Variants in PEX5L observed in about 807,000 individuals in gnomAD.
PEX5L encodes the protein PEX5-related protein.
A neutral mutation model predicts 84.0 loss-of-function variants in PEX5L; 30 were observed. The observed-to-expected ratio is 0.36, with a 90% CI of 0.27 to 0.48. The LOEUF (loss-of-function observed/expected upper bound fraction) is 0.48, where lower values mean the gene tolerates loss of function less well. Ranked by LOEUF, PEX5L falls within the 20% of genes least tolerant of loss-of-function variation. The probability of loss-of-function intolerance (pLI) is 0.99; values close to 1 mark genes in which losing one functional copy is unlikely to be tolerated. For synonymous variants in PEX5L, 270 were observed against 283.1 expected, an observed-to-expected ratio of 0.95 and a Z score of 0.46; for missense variants, 533 against 754.6, an observed-to-expected ratio of 0.71 and a Z score of 3.44.
chr3:179,982,500 T>C (rs1282239331), intron 1 of PEX5L, among the ~76,000 whole-genome samples: 1 of 152,144 alleles, frequency 6.6e-6, no homozygotes, highest in Non-Finnish European at 1.5e-5. Flanking sequence ...TTAGGGAAAT[T>C]GCCAGAAAAT....
At chr3:179,983,836 C>A (rs1020476116) in intron 1 of PEX5L, among the ~76,000 whole-genome samples, 6 of 151,988 alleles carry the variant, frequency 3.9e-5, no homozygotes, top group Non-Finnish European at 8.8e-5. Flanking sequence ...TAGTTAAAGA[C>A]GTTTCTGATG....
intron 1 of PEX5L, among the ~76,000 whole-genome samples, chr3:179,974,434 TC>T (rs1785490483): frequency 6.6e-6 from 1 of 152,094 alleles, no homozygotes; most frequent in African/African-American, 2.4e-5. Flanking sequence ...TGTGCACTGT[TC>T]CCCTAGGTGC....
At chr3:179,915,998 G>C (rs1766926405) in intron 2 of PEX5L, among the ~76,000 whole-genome samples, 1 of 152,184 alleles carries the variant, frequency 6.6e-6, no homozygotes, top group Admixed American at 6.5e-5. Context: ...AGAGATACTT[G>C]AAGCTCAGAG....
At chr3:179,891,225 A>C (rs1757523881) in intron 3 of PEX5L, among the ~76,000 whole-genome samples, 1 of 152,166 alleles carries the variant, frequency 6.6e-6, no homozygotes, top group Non-Finnish European at 1.5e-5. Flanking sequence ...GACTGATGGA[A>C]CTGTTATAAC....
chr3:180,012,562 T>C (rs1579342029), intron 1 of PEX5L, among the ~76,000 whole-genome samples: 1 of 152,226 alleles, frequency 6.6e-6, no homozygotes. Flanking sequence ...CAAGGAGAAT[T>C]GATGTAAAAA....
At position 179,953,271 on chromosome 3, in the gene PEX5L, G is replaced by A. The variant is rs540908701; in HGVS notation, c.93+18323C>T. The stretch of plus-strand genomic sequence containing the variant: ...ACAAATGGGATCTAATTAAACTAAA[G>A]AGCTTCTGCACATCAAAAGAAACTA... On this transcript the variant is annotated intron_variant, in intron 2 of 14. Coordinates refer to ENST00000467460, the MANE Select transcript of PEX5L (RefSeq NM_016559.3). Among the ~76,000 whole-genome samples, 252 of 152,268 alleles carry A rather than the reference G, an allele frequency of 1.7e-3. 1 individual carries two copies. The highest frequency in any genetic ancestry group is 3.4e-3 in the Middle Eastern group (1 of 294).
In PEX5L at chr3:180,036,752, C is replaced by T. The variant is rs1791944004; in HGVS notation, c.-153G>A. 2 of 760,690 alleles carry T rather than the reference C, an allele frequency of 2.6e-6. No homozygotes were observed. The highest frequency in any genetic ancestry group is 4.7e-6 in the Non-Finnish European group (2 of 429,286). 47.1% of individuals were successfully genotyped at this position (760,690 alleles called of 1,614,324 possible). A position where few individuals can be genotyped will look rare whatever the true frequency, so the allele number is the denominator to read the frequency against. ...GAGCTCCGGGTACTCGGCCGGCCGG[C>T]GGCCACTCGGCAGCGCTGCGGGCTG... On this transcript the variant is annotated 5_prime_UTR_variant, in exon 1 of 15. Transcript: ENST00000467460.
At chr3:179,871,465 T>C (rs1442796861) in intron 7 of PEX5L, among the ~76,000 whole-genome samples, 1 of 152,194 alleles carries the variant, frequency 6.6e-6, no homozygotes, top group African/African-American at 2.4e-5. Context: ...TCTATATAAA[T>C]TGTTCATAGA....
At chr3:179,999,745 C>T (rs1788218802) in intron 1 of PEX5L, among the ~76,000 whole-genome samples, 1 of 152,206 alleles carries the variant, frequency 6.6e-6, no homozygotes, top group African/African-American at 2.4e-5. Context: ...CACAGCATTG[C>T]CTCTGACCAA....
At chr3:179,840,808 T>C (rs1387537231) in intron 8 of PEX5L, among the ~76,000 whole-genome samples, 4 of 152,118 alleles carry the variant, frequency 2.6e-5, no homozygotes, top group Admixed American at 6.5e-5. Context: ...GTGCTATTAT[T>C]GAACTGGGGT....
At chr3:180,033,274 G>A (rs1791616037) in intron 1 of PEX5L, among the ~76,000 whole-genome samples, 1 of 152,072 alleles carries the variant, frequency 6.6e-6, no homozygotes, top group African/African-American at 2.4e-5. Flanking sequence ...GAAGCTAGAG[G>A]GTGTGGAATG....
At chr3:179,889,271 T>A (rs1485299476) in intron 3 of PEX5L, among the ~76,000 whole-genome samples, 1 of 152,142 alleles carries the variant, frequency 6.6e-6, no homozygotes, top group Non-Finnish European at 1.5e-5. Context: ...GGGACCTGAG[T>A]AATGGTAACT....
At chr3:179,868,224 G>A (rs1749069893) in intron 7 of PEX5L, among the ~76,000 whole-genome samples, 1 of 151,540 alleles carries the variant, frequency 6.6e-6, no homozygotes, top group Non-Finnish European at 1.5e-5. Flanking sequence ...TTGAGTCCTG[G>A]ATCCTTTCCT....
chr3:179,902,292 T>C (rs1761648117), intron 2 of PEX5L, among the ~76,000 whole-genome samples: 1 of 152,194 alleles, frequency 6.6e-6, no homozygotes, highest in Admixed American at 6.5e-5. Flanking sequence ...CATACCGGTG[T>C]CTGTTCACGT....
intron 2 of PEX5L, among the ~76,000 whole-genome samples, chr3:179,941,752 G>C (rs893717314): frequency 1.3e-5 from 2 of 152,154 alleles, no homozygotes; most frequent in Non-Finnish European, 2.9e-5. Context: ...GCCAGGCCCA[G>C]TGGCTCACGC....
chr3:179,925,692 G>A (rs1325657828), intron 2 of PEX5L, among the ~76,000 whole-genome samples: 6 of 152,034 alleles, frequency 3.9e-5, no homozygotes, highest in Non-Finnish European at 5.9e-5. Context: ...GTTTTAACTC[G>A]CTATCTCTAA....
Position 180,024,373 on chromosome 3 carries a change from T to TATAC in PEX5L, c.21+12205_21+12206insGTAT, listed in dbSNP as rs1396023654. Among the ~76,000 whole-genome samples the TATAC allele has an allele frequency of 4.9e-3, 387 of 78,888 alleles. 5 individuals are homozygous for TATAC. Among genetic ancestry groups the TATAC allele is most frequent in the African/African-American group, 0.033 (345 of 10,396 alleles). 51.8% of individuals were successfully genotyped at this position (78,888 alleles called of 152,430 possible). On this transcript the variant is annotated intron_variant, in intron 1 of 14. Coordinates refer to ENST00000467460, the MANE Select transcript of PEX5L (RefSeq NM_016559.3). ...ATATATATATATATATATATATATA[T>TATAC]ACACACACAAAAAAAAAAAAAATTA...
chr3:180,033,574 A>C (rs1791645402), intron 1 of PEX5L, among the ~76,000 whole-genome samples: 2 of 152,232 alleles, frequency 1.3e-5, no homozygotes, highest in Admixed American at 1.3e-4. Context: ...TCAAATGCAC[A>C]TAGGCAAATA....
chr3:179,879,170 C>T (rs1170931156), intron 5 of PEX5L, among the ~76,000 whole-genome samples: 1 of 152,148 alleles, frequency 6.6e-6, no homozygotes, highest in Non-Finnish European at 1.5e-5. Flanking sequence ...GATTCATGTT[C>T]CTCTTGGCTT....
Sources: allele counts gnomAD v4.1 joint callset (sites outside exome capture counted in the v4.1 genomes callset), GRCh38; gene constraint gnomAD v4.1.1; transcripts MANE v1.5; gene names NCBI Gene and HGNC (gene_info 2026-07-23, HGNC 2026-07-21).